Variants in LHFPL3 observed in about 807,000 individuals in gnomAD.
The protein encoded by LHFPL3 is LHFPL tetraspan subfamily member 3 protein.
LHFPL3 carries 5 observed loss-of-function variants against 19.3 expected under a neutral mutation model. That is an observed-to-expected ratio of 0.26 (90% CI 0.14 to 0.54). The LOEUF (loss-of-function observed/expected upper bound fraction) is 0.54. Ranked by LOEUF, LHFPL3 falls within the 20% of genes least tolerant of loss-of-function variation. The pLI is 0.94. For synonymous variants in LHFPL3, 133 were observed against 126.2 expected, an observed-to-expected ratio of 1.05 and a Z score of -0.36; for missense variants, 249 against 307.4, an observed-to-expected ratio of 0.81 and a Z score of 1.42.
intron 1 of LHFPL3, among the ~76,000 whole-genome samples, chr7:104,617,531 A>G (rs1179767068): frequency 6.6e-6 from 1 of 152,236 alleles, no homozygotes; most frequent in Non-Finnish European, 1.5e-5. Context: ...TTACATAATG[A>G]GAAAACATCT....
At chr7:104,804,790 G>A (rs1251867745) in intron 2 of LHFPL3, among the ~76,000 whole-genome samples, 1 of 152,180 alleles carries the variant, frequency 6.6e-6, no homozygotes, top group Admixed American at 6.5e-5. Flanking sequence ...GCTTTCAGAT[G>A]AGAAATCAGC....
At chr7:104,494,715 G>A (rs1034392710) in intron 1 of LHFPL3, among the ~76,000 whole-genome samples, 6 of 152,036 alleles carry the variant, frequency 3.9e-5, no homozygotes, top group African/African-American at 1.4e-4. Flanking sequence ...TTCCTTGCTT[G>A]CACCCTCATG....
At chr7:104,484,045 C>A (rs1793190244) in intron 1 of LHFPL3, among the ~76,000 whole-genome samples, 2 of 152,190 alleles carry the variant, frequency 1.3e-5, no homozygotes, top group African/African-American at 4.8e-5. Flanking sequence ...GATTTTCAAG[C>A]CAATTATAAT....
chr7:104,720,689 T>A (rs149250366), intron 1 of LHFPL3, among the ~76,000 whole-genome samples: 6 of 151,854 alleles, frequency 4.0e-5, no homozygotes, highest in African/African-American at 1.4e-4. Flanking sequence ...TCCAAAAAAT[T>A]TACAAGAAAA....
At chr7:104,411,518 G>A (rs1052349255) in intron 1 of LHFPL3, among the ~76,000 whole-genome samples, 1 of 151,910 alleles carries the variant, frequency 6.6e-6, no homozygotes, top group South Asian at 2.1e-4. Flanking sequence ...TTCCTTTAAG[G>A]GCCCTACCCT....
At chr7:104,675,240 C>T (rs1315859168) in intron 1 of LHFPL3, among the ~76,000 whole-genome samples, 1 of 152,222 alleles carries the variant, frequency 6.6e-6, no homozygotes, top group East Asian at 1.9e-4. Context: ...AAAGAAGAAA[C>T]AGCAGGTGCA....
chr7:104,587,425 C>T (rs1032485266), intron 1 of LHFPL3, among the ~76,000 whole-genome samples: 2 of 152,170 alleles, frequency 1.3e-5, no homozygotes, highest in African/African-American at 2.4e-5. Context: ...CAGCTTCATC[C>T]ATGTCCCTAC....
Position 104,375,539 on chromosome 7 carries a change from A to G in LHFPL3, c.445+46315A>G, listed in dbSNP as rs560762189. 8.5e-5 allele frequency among the ~76,000 whole-genome samples: 13 copies of G among 152,312 alleles called. No individual in the cohort carries two copies. In the East Asian group the frequency reaches 2.3e-3, roughly 27 times the overall value. On this transcript the variant is annotated intron_variant, in intron 1 of 2. Transcript: ENST00000424859. ...CTTGACGGGAAAAATTACACCTGGGAAAAACTGGACTTGATGAAAAGTAAT... is the reference window on the plus strand; with the variant it reads ...CTTGACGGGAAAAATTACACCTGGGGAAAACTGGACTTGATGAAAAGTAAT...
intron 1 of LHFPL3, among the ~76,000 whole-genome samples, chr7:104,673,432 C>T (rs1448977923): frequency 6.6e-6 from 1 of 152,202 alleles, no homozygotes; most frequent in Non-Finnish European, 1.5e-5. Context: ...ATGGCTAGTG[C>T]ATGATCAGAG....
At chr7:104,871,979 C>T (rs1791845429) in intron 2 of LHFPL3, among the ~76,000 whole-genome samples, 1 of 151,768 alleles carries the variant, frequency 6.6e-6, no homozygotes, top group South Asian at 2.1e-4. Flanking sequence ...TTCTTTATAT[C>T]CTTATTCAAC....
chr7:104,521,536 A>C (rs1289929203), intron 1 of LHFPL3, among the ~76,000 whole-genome samples: 1 of 152,048 alleles, frequency 6.6e-6, no homozygotes, highest in Non-Finnish European at 1.5e-5. Flanking sequence ...AAATTGACAA[A>C]TGGGATCTAA....
At chr7:104,825,975 A>T (rs1461761212) in intron 2 of LHFPL3, among the ~76,000 whole-genome samples, 2 of 152,002 alleles carry the variant, frequency 1.3e-5, no homozygotes, top group East Asian at 3.9e-4. Flanking sequence ...AGCTGGACAC[A>T]TTGCCGCCCC....
At chr7:104,562,588 A>AT (rs1320291212) in intron 1 of LHFPL3, among the ~76,000 whole-genome samples, 7 of 151,666 alleles carry the variant, frequency 4.6e-5, no homozygotes, top group Non-Finnish European at 5.9e-5. Context: ...ATTCTTCTAA[A>AT]TTTTTTTCAA....
intron 2 of LHFPL3, among the ~76,000 whole-genome samples, chr7:104,761,519 A>G (rs1794371479): frequency 6.6e-6 from 1 of 152,124 alleles, no homozygotes; most frequent in Non-Finnish European, 1.5e-5. Flanking sequence ...CTCAGTCACC[A>G]TGTTCTGCTC....
intron 2 of LHFPL3, among the ~76,000 whole-genome samples, chr7:104,862,870 G>C (rs904929180): frequency 1.3e-5 from 2 of 152,180 alleles, no homozygotes; most frequent in South Asian, 2.1e-4. Flanking sequence ...CTGCCGAGTC[G>C]GAGCTGGAAG....
intron 1 of LHFPL3, among the ~76,000 whole-genome samples, chr7:104,421,132 A>G (rs769022277): frequency 1.2e-4 from 18 of 152,252 alleles, no homozygotes; most frequent in Non-Finnish European, 1.8e-4. Flanking sequence ...TACATACTCA[A>G]TGAAGTAAGA....
chr7:104,784,362 C>T (rs1027361974), intron 2 of LHFPL3, among the ~76,000 whole-genome samples: 1 of 152,184 alleles, frequency 6.6e-6, no homozygotes, highest in African/African-American at 2.4e-5. Flanking sequence ...CATTTCTGGA[C>T]CTCGCCTGCA....
chr7:104,469,738 T>A (rs1364054186), intron 1 of LHFPL3, among the ~76,000 whole-genome samples: 1 of 152,156 alleles, frequency 6.6e-6, no homozygotes, highest in Non-Finnish European at 1.5e-5. Context: ...TGTTTCTGGT[T>A]TCTAGGAGTC....
chr7:104,715,196 G>A (rs1793364570), intron 1 of LHFPL3, among the ~76,000 whole-genome samples: 1 of 152,104 alleles, frequency 6.6e-6, no homozygotes, highest in African/African-American at 2.4e-5. Context: ...CTGAACGACA[G>A]AGCAAGACCC....
Sources: gnomAD v4.1 joint callset for allele counts (sites outside exome capture counted in the v4.1 genomes callset) on GRCh38, gnomAD v4.1.1 for gene constraint, MANE v1.5 for transcripts, NCBI Gene and HGNC (gene_info 2026-07-23, HGNC 2026-07-21) for gene names.